The following CIC variants were observed in gnomAD, a reference collection of about 807,000 sequenced individuals.
CIC encodes the protein capicua transcriptional repressor.
Under a neutral mutation model 115.7 loss-of-function variants are expected in CIC, and 18 were observed. The observed-to-expected ratio is 0.16, with a 90% confidence interval of 0.11 to 0.23. The LOEUF is 0.23. Among genes scored for constraint, CIC ranks in the 10% least tolerant of loss-of-function variants. The probability of loss-of-function intolerance (pLI) is 1.00; values close to 1 mark genes in which losing one functional copy is unlikely to be tolerated. For missense variants in CIC, 2,000 were observed against 2,159.3 expected, an observed-to-expected ratio of 0.93 and a Z score of 1.46; for synonymous variants, 1,076 against 923.0, an observed-to-expected ratio of 1.17 and a Z score of -3.01.
At position 42,291,765 on chromosome 19, in the gene CIC, T is replaced by C. The variant is rs1381031697; in HGVS notation, c.5613+20T>C. 6.2e-7 allele frequency: 1 copy of C among 1,612,798 alleles called. No homozygotes were observed. Among genetic ancestry groups the C allele is most frequent in the Non-Finnish European group, 8.5e-7 (1 of 1,179,834 alleles). On this transcript the variant is annotated intron_variant, in intron 12 of 20. Transcript: ENST00000681038. Reference sequence around the variant, plus strand: ...AGCAAGGTGAGGGCCTGCCTTTCTCTCTACCTGCTGGATGTTGGCCCCTGT... The same window carrying C: ...AGCAAGGTGAGGGCCTGCCTTTCTCCCTACCTGCTGGATGTTGGCCCCTGT...
rs181805176 is a variant in CIC at position 42,270,886 on chromosome 19, C to T, written c.-10-888C>T. ...GCGTGCGTGTGCTCATGCACGGCCC[C>T]GTGGCAGTGCTGGGTATGAGCTCTT... On this transcript the variant is annotated intron_variant, in intron 1 of 20. Transcript: ENST00000681038. The surrounding 1 kb of genome is among the most constrained non-coding windows in gnomAD (Gnocchi z 4.1). 2.0e-5 allele frequency among the ~76,000 whole-genome samples: 3 copies of T among 152,246 alleles called. No homozygotes were observed. The highest frequency in any genetic ancestry group is 1.9e-4 in the East Asian group (1 of 5,180).
In CIC at chr19:42,295,098, C is replaced by T. The variant is rs1398572257; in HGVS notation, c.7461C>T (p.Pro2487=). The T allele has an allele frequency of 3.9e-6, 6 of 1,527,384 alleles. No individual in the cohort carries two copies. Among genetic ancestry groups the T allele is most frequent in the Non-Finnish European group, 5.3e-6 (6 of 1,142,642 alleles). 94.6% of individuals were successfully genotyped at this position (1,527,384 alleles called of 1,614,324 possible). A position where few individuals can be genotyped will look rare whatever the true frequency, so the allele number is the denominator to read the frequency against. ...TAQAAPPLPP[P]PESGPGQPGW... ...AGGCTGCCCCGCCACTGCCTCCACC[C>T]CCAGAGTCGGGGCCTGGACAGCCTG... Residue 2487 remains proline, a synonymous_variant, in exon 21 of 21, where the codon CCC becomes CCT. Coordinates refer to ENST00000681038, the MANE Select transcript of CIC (RefSeq NM_001386298.1).
At chr19:42,286,400 C>G (rs2037644362) in intron 2 of CIC, among the ~76,000 whole-genome samples, 1 of 151,788 alleles carries the variant, frequency 6.6e-6, no homozygotes, top group Admixed American at 6.6e-5. Context: ...GGTGGGGGTC[C>G]CAGCCCGTAG....
At chr19:42,294,796 G>C (rs374736530) in intron 20 of CIC, 28 bp from the exon 21 acceptor site, 7 of 1,606,906 alleles carry the variant, frequency 4.4e-6, no homozygotes, top group Non-Finnish European at 5.1e-6. Flanking sequence ...ATCTCATCCT[G>C]TGCTCCCCAC....
At position 42,288,974 on chromosome 19, in the gene CIC, C is replaced by T. The variant is rs759240445; in HGVS notation, c.3745C>T (p.Arg1249Trp). ...GGGGAGCAGCTCCTGTGGGGCAGAA[C>T]GGCTACACACAGTTGGGGGACCTGG... ...APGSSSCGAE[R>W]LHTVGGPGSA... Residue 1249 changes from arginine to tryptophan, a missense_variant, in exon 8 of 21, where the codon CGG becomes TGG. Transcript: ENST00000681038. The T allele has an allele frequency of 1.5e-5, 24 of 1,613,906 alleles. No homozygotes were observed. The highest frequency in any genetic ancestry group is 1.8e-5 in the Non-Finnish European group (21 of 1,180,036).
chr19:42,295,703 G>T lies in CIC; in HGVS notation c.*512G>T. On this transcript the variant is annotated 3_prime_UTR_variant, in exon 21 of 21. Transcript: ENST00000681038. ...TAAGAAGGTGATTCCCCCTGCCCTT[G>T]CCCCCTTCCCCAGAACAAAACATGT... 1 of 229,626 alleles carries T rather than the reference G, an allele frequency of 4.4e-6. No individual in the cohort carries two copies. Among genetic ancestry groups the T allele is most frequent in the East Asian group, 6.3e-5 (1 of 15,886 alleles). 14.2% of individuals were successfully genotyped at this position (229,626 alleles called of 1,614,324 possible).
intron 2 of CIC, chr19:42,283,917 GGCGCGGCGGGGCCTGACCCGC>G (rs909095298): frequency 6.6e-6 from 1 of 151,342 alleles, no homozygotes; most frequent in Non-Finnish European, 1.5e-5. Context: ...AATGGGGGCG[GGCGCGGCGGGGCCTGACCCGC>G]GCGCGGCGGC....
intron 7 of CIC, 83 bp from the exon 8 acceptor site, chr19:42,288,805 A>C: frequency 7.1e-6 from 9 of 1,276,182 alleles, no homozygotes; most frequent in South Asian, 1.2e-5. Flanking sequence ...CCTAGTACCT[A>C]GAAATATCTA....
Position 42,295,142 on chromosome 19 carries a change from A to AGGGGGC in CIC, c.7506_7507insGGGGCG (p.Gln2502_Pro2503insGlyAla). The AGGGGGC allele has an allele frequency of 1.8e-6, 1 of 558,798 alleles. No homozygotes were observed. The highest frequency in any genetic ancestry group is 2.9e-6 in the Non-Finnish European group (1 of 350,630). 34.6% of individuals were successfully genotyped at this position (558,798 alleles called of 1,614,324 possible). On this transcript the variant is annotated inframe_insertion, in exon 21 of 21. Coordinates refer to ENST00000681038, the MANE Select transcript of CIC (RefSeq NM_001386298.1). ...CAGCCTGGCTGGGAGGGGGCTCCCC[A>AGGGGGC]GCCCTCCCCCCCACCCCCAGGTCCC...
chr19:42,295,143 G>GGGGGGCCCC lies in CIC; in HGVS notation c.7506_7507insGGGGGCCCC (p.Gln2502_Pro2503insGlyGlyPro). 7 of 1,382,698 alleles carry GGGGGGCCCC rather than the reference G, an allele frequency of 5.1e-6. No homozygotes were observed. The highest frequency in any genetic ancestry group is 6.7e-6 in the Non-Finnish European group (7 of 1,037,794). The allele number at this position is 1,382,698 out of a possible 1,614,324, so 85.7% of individuals were successfully genotyped here. ...AGCCTGGCTGGGAGGGGGCTCCCCAGCCCTCCCCCCCACCCCCAGGTCCCT... is the reference window on the plus strand; with the variant it reads ...AGCCTGGCTGGGAGGGGGCTCCCCAGGGGGGCCCCCCCTCCCCCCCACCCCCAGGTCCCT... On this transcript the variant is annotated inframe_insertion, in exon 21 of 21. Transcript: ENST00000681038.
intron 2 of CIC, among the ~76,000 whole-genome samples, chr19:42,283,731 C>G (rs2037376791): frequency 6.6e-6 from 1 of 152,112 alleles, no homozygotes; most frequent in Admixed American, 6.5e-5. Context: ...ACGCACAACC[C>G]AGAGACCTCC....
chr19:42,289,548 C>CA, intron 9 of CIC, 142 bp downstream of exon 9: 1 of 1,002,774 alleles, frequency 1.0e-6, no homozygotes, highest in Non-Finnish European at 1.5e-6. Flanking sequence ...AGTTCAGGCC[C>CA]TGCCGAGTAA....
chr19:42,280,621 A>T lies in CIC; in HGVS notation c.2794+6044A>T, dbSNP rs2037189297. Among the ~76,000 whole-genome samples, 1 of 151,746 alleles carries T rather than the reference A, an allele frequency of 6.6e-6. No individual in the cohort carries two copies. The stretch of plus-strand genomic sequence containing the variant: ...TCCCACCGCAGACAGCTCGGGTGCC[A>T]GCTGGCCGGCGCCCCGCCGCGGCCC... On this transcript the variant is annotated intron_variant, in intron 2 of 20. Coordinates refer to ENST00000681038, the MANE Select transcript of CIC (RefSeq NM_001386298.1). This position sits in a 1 kb window ranked among gnomAD's most constrained non-coding sequence, Gnocchi z 4.9.
Position 42,274,113 on chromosome 19 carries a change from G to A in CIC, c.2330G>A (p.Arg777His), listed in dbSNP as rs759599290. ...VSPAVPFSRSRQPSPLLLLPP... is the reference protein window; with the variant it reads ...VSPAVPFSRSHQPSPLLLLPP... ...CCTGCTGTGCCCTTCTCTCGCTCCCGCCAGCCCTCACCATTGCTGCTGTTG... is the reference window on the plus strand; with the variant it reads ...CCTGCTGTGCCCTTCTCTCGCTCCCACCAGCCCTCACCATTGCTGCTGTTG... The change falls in exon 2 of 21, where the codon CGC becomes CAC. Residue 777 changes from arginine (R) to histidine (H), a missense_variant. Arg to His is a conservative substitution (Grantham distance 29, BLOSUM62 0). Around this residue, in one of 8 missense-constraint regions of CIC, gnomAD observed 222 missense variants for 247.7 expected, o/e 0.90. Transcript: ENST00000681038. The A allele has an allele frequency of 7.5e-6, 3 of 400,456 alleles. No individual in the cohort carries two copies. The allele number at this position is 400,456 out of a possible 1,614,324, so 24.8% of individuals were successfully genotyped here.
intron 2 of CIC, among the ~76,000 whole-genome samples, chr19:42,282,004 G>T (rs2037279067): frequency 6.6e-6 from 1 of 152,226 alleles, no homozygotes; most frequent in African/African-American, 2.4e-5. Context: ...ACTCACCGGT[G>T]GGGAGAGGAG....
At chr19:42,290,196 T>C in intron 10 of CIC, 37 bp from the exon 11 acceptor site, 1 of 1,613,302 alleles carries the variant, frequency 6.2e-7, no homozygotes, top group Non-Finnish European at 8.5e-7. Flanking sequence ...GGTGTCGGAG[T>C]GTCCTGACCT....
chr19:42,289,610 A>G lies in CIC; in HGVS notation c.4087+204A>G, dbSNP rs376683401. Among the ~76,000 whole-genome samples, 17 of 152,298 alleles carry G rather than the reference A, an allele frequency of 1.1e-4. No individual in the cohort carries two copies. In the East Asian group the frequency reaches 2.9e-3, roughly 26 times the overall value. ...CAGCCCTGCAGGAAATCTGGAGGAC[A>G]GGGGGCATGACCAGATCTTCAGGTG... On this transcript the variant is annotated intron_variant, in intron 9 of 20. Transcript: ENST00000681038.
Position 42,295,143 on chromosome 19 carries a change from G to GGGGGGGC in CIC, c.7506_7507insGGGGGGC (p.Pro2503GlyfsTer22). The GGGGGGGC allele has an allele frequency of 5.1e-6, 7 of 1,382,686 alleles. No homozygotes were observed. The highest frequency in any genetic ancestry group is 1.5e-5 in the African/African-American group (1 of 68,108). 85.7% of individuals were successfully genotyped at this position (1,382,686 alleles called of 1,614,324 possible). ...AGCCTGGCTGGGAGGGGGCTCCCCA[G>GGGGGGGC]CCCTCCCCCCCACCCCCAGGTCCCT... On this transcript the variant is annotated frameshift_variant, in exon 21 of 21. Transcript: ENST00000681038. LOFTEE classifies it high-confidence loss of function.
At position 42,289,529 on chromosome 19, in the gene CIC, C is replaced by T. The variant is rs116078679; in HGVS notation, c.4087+123C>T. 5.6e-3 allele frequency: 6,415 copies of T among 1,148,554 alleles called. 223 individuals are homozygous for T. The African/African-American group carries it at 0.082, about 15-fold the overall frequency. 71.1% of individuals were successfully genotyped at this position (1,148,554 alleles called of 1,614,324 possible). A position where few individuals can be genotyped will look rare whatever the true frequency, so the allele number is the denominator to read the frequency against. On this transcript the variant is annotated intron_variant, in intron 9 of 20. Transcript: ENST00000681038. ...TTCTTTTCCACTTGGTTTATGGTTG[C>T]ATGTGGCCAGTTCAGGCCCTGCCGA...
Sources: allele counts gnomAD v4.1 joint callset (sites outside exome capture counted in the v4.1 genomes callset), GRCh38; gene constraint gnomAD v4.1.1; regional missense constraint gnomAD v4.1.1; non-coding constraint Gnocchi (gnomAD v3.1); transcripts MANE v1.5; gene names NCBI Gene and HGNC (gene_info 2026-07-23, HGNC 2026-07-21).